ARHGAP28: variants seen among roughly 807,000 people sequenced by gnomAD.
ARHGAP28 encodes the protein rho GTPase-activating protein 28.
A neutral mutation model predicts 90.7 loss-of-function variants in ARHGAP28; 56 were observed. The ratio of observed to expected loss-of-function variants is 0.62; its 90% CI spans 0.50 to 0.77. ARHGAP28 has a LOEUF of 0.77. Ranked by LOEUF, ARHGAP28 falls within the 30% of genes least tolerant of loss-of-function variation. The pLI is 0.00. For missense variants in ARHGAP28, 869 were observed against 900.9 expected, an observed-to-expected ratio of 0.96 and a Z score of 0.45; for synonymous variants, 308 against 323.3, an observed-to-expected ratio of 0.95 and a Z score of 0.51.
chr18:6,905,914 A>G (rs1248682018), intron 16 of ARHGAP28, among the ~76,000 whole-genome samples: 2 of 151,560 alleles, frequency 1.3e-5, no homozygotes, highest in African/African-American at 4.9e-5. Flanking sequence ...ATGGAGAAAC[A>G]TATCATTTTC....
At chr18:6,847,255 A>G (rs2056872791) in intron 3 of ARHGAP28, among the ~76,000 whole-genome samples, 2 of 151,926 alleles carry the variant, frequency 1.3e-5, no homozygotes, top group Admixed American at 1.3e-4. Context: ...CCTAATTTCA[A>G]TCTCACACCA....
chr18:6,884,235 G>A (rs775570545), intron 11 of ARHGAP28, among the ~76,000 whole-genome samples: 6 of 152,160 alleles, frequency 3.9e-5, no homozygotes, highest in Non-Finnish European at 4.4e-5. Context: ...TTGGCCAGGC[G>A]TGGTGGCGGG....
intron 2 of ARHGAP28, among the ~76,000 whole-genome samples, chr18:6,826,521 T>A (rs1184716993): frequency 6.6e-6 from 1 of 151,576 alleles, no homozygotes; most frequent in East Asian, 1.9e-4. Context: ...TTGAAGCTTA[T>A]ATAATTTAAT....
chr18:6,825,077 A>G, intron 2 of ARHGAP28, 113 bp downstream of exon 2: 1 of 989,426 alleles, frequency 1.0e-6, no homozygotes, highest in African/African-American at 1.6e-5. Context: ...ATGAATCAGT[A>G]GAATCTGGCA....
chr18:6,850,973 A>G (rs1479040668), intron 3 of ARHGAP28, 61 bp from the exon 4 acceptor site: 1 of 1,597,046 alleles, frequency 6.3e-7, no homozygotes, highest in African/African-American at 1.3e-5. Flanking sequence ...GCATGTGTGA[A>G]TACGCAGTCA....
chr18:6,755,862 A>G (rs990372164), intron 1 of ARHGAP28, among the ~76,000 whole-genome samples: 1 of 152,240 alleles, frequency 6.6e-6, no homozygotes, highest in African/African-American at 2.4e-5. Flanking sequence ...AAATCAATAT[A>G]TAGGTCTCAA....
chr18:6,862,755 T>C (rs2057008525), intron 5 of ARHGAP28, among the ~76,000 whole-genome samples: 1 of 152,212 alleles, frequency 6.6e-6, no homozygotes, highest in African/African-American at 2.4e-5. Context: ...GGAGAGAGAA[T>C]CCACATCTCA....
At chr18:6,735,789 A>G (rs2055921530) in intron 1 of ARHGAP28, among the ~76,000 whole-genome samples, 1 of 152,112 alleles carries the variant, frequency 6.6e-6, no homozygotes, top group East Asian at 1.9e-4. Context: ...TTCTGGGCTC[A>G]AGTGATCTGC....
At position 6,837,703 on chromosome 18, in the gene ARHGAP28, G is replaced by A. The variant is rs185642655; in HGVS notation, c.543+289G>A. On this transcript the variant is annotated intron_variant, in intron 3 of 17. Transcript: ENST00000383472. ...GAACAAGTCTTTGTGGGTAGGATCC[G>A]GGGACCCTTTACTTAAATTTAAGCA... Among the ~76,000 whole-genome samples, 258 of 152,162 alleles carry A rather than the reference G, an allele frequency of 1.7e-3. 4 individuals carry two copies. The highest frequency in any genetic ancestry group is 0.012 in the Admixed American group (179 of 15,294).
intron 1 of ARHGAP28, among the ~76,000 whole-genome samples, chr18:6,811,700 TTAGAGAAATACA>T (rs2056557880): frequency 6.6e-6 from 1 of 151,972 alleles, no homozygotes; most frequent in African/African-American, 2.4e-5. Flanking sequence ...CGTGCCTCCT[TTAGAGAAATACA>T]TAGTGCTGTT....
intron 1 of ARHGAP28, among the ~76,000 whole-genome samples, chr18:6,786,122 T>C (rs1046987423): frequency 3.9e-5 from 6 of 152,210 alleles, no homozygotes; most frequent in Non-Finnish European, 7.3e-5. Context: ...GAAACGTCAG[T>C]TGAACAAAAC....
chr18:6,781,190 G>C (rs983342406), intron 1 of ARHGAP28, among the ~76,000 whole-genome samples: 1 of 152,156 alleles, frequency 6.6e-6, no homozygotes, highest in Non-Finnish European at 1.5e-5. Context: ...AGGCAGTCGG[G>C]ACAGTCAGGG....
intron 1 of ARHGAP28, among the ~76,000 whole-genome samples, chr18:6,768,844 G>A (rs921583941): frequency 2.6e-5 from 4 of 152,064 alleles, no homozygotes; most frequent in Admixed American, 2.6e-4. Context: ...CATCCGGGTG[G>A]AAAGCTGGGA....
intron 3 of ARHGAP28, among the ~76,000 whole-genome samples, chr18:6,841,163 C>CTT: frequency 1.0e-5 from 1 of 95,462 alleles, no homozygotes; most frequent in Non-Finnish European, 2.3e-5. Flanking sequence ...CTCTTTCTCT[C>CTT]TCTCCTCTCT....
Position 6,913,649 on chromosome 18 carries a change from A to C in ARHGAP28, c.*1495A>C, listed in dbSNP as rs1186033377. On this transcript the variant is annotated 3_prime_UTR_variant, in exon 18 of 18. Transcript: ENST00000383472. ...ACTATTATTACACCTTGATATCTATACAAAACATCACTTGTATTAAAATAT... is the reference window on the plus strand; with the variant it reads ...ACTATTATTACACCTTGATATCTATCCAAAACATCACTTGTATTAAAATAT... 3.3e-5 allele frequency: 5 copies of C among 152,188 alleles called. No homozygotes were observed. Among genetic ancestry groups the C allele is most frequent in the Non-Finnish European group, 5.9e-5 (4 of 68,026 alleles). The allele number at this position is 152,188 out of a possible 1,614,324, so 9.4% of individuals were successfully genotyped here. A position where few individuals can be genotyped will look rare whatever the true frequency, so the allele number is the denominator to read the frequency against.
intron 1 of ARHGAP28, among the ~76,000 whole-genome samples, chr18:6,757,082 T>G (rs1476259593): frequency 6.6e-6 from 1 of 152,278 alleles, no homozygotes; most frequent in East Asian, 1.9e-4. Flanking sequence ...ATATTAACCA[T>G]CACACTTGGG....
chr18:6,907,216 A>G (rs2057368840), intron 16 of ARHGAP28, among the ~76,000 whole-genome samples: 1 of 152,322 alleles, frequency 6.6e-6, no homozygotes, highest in East Asian at 1.9e-4. Flanking sequence ...TGGGAATGTC[A>G]ATAGTGCAGT....
At chr18:6,772,690 T>C (rs1244819579) in intron 1 of ARHGAP28, among the ~76,000 whole-genome samples, 2 of 152,170 alleles carry the variant, frequency 1.3e-5, no homozygotes, top group African/African-American at 4.8e-5. Context: ...CATTTTTGAC[T>C]TATTTGACAG....
chr18:6,870,849 G>A (rs1436444914), intron 7 of ARHGAP28, 117 bp downstream of exon 7: 14 of 1,098,610 alleles, frequency 1.3e-5, no homozygotes, highest in Non-Finnish European at 1.7e-5. Flanking sequence ...GCCCCAGGCT[G>A]GAGTGCAGTG....
Sources: gnomAD v4.1 joint callset for allele counts (sites outside exome capture counted in the v4.1 genomes callset) on GRCh38, gnomAD v4.1.1 for gene constraint, MANE v1.5 for transcripts, NCBI Gene and HGNC (gene_info 2026-07-23, HGNC 2026-07-21) for gene names.